Variants in TOP3A observed in about 807,000 individuals in gnomAD.
TOP3A encodes the protein DNA topoisomerase III alpha, also known as DNA topoisomerase 3-alpha.
TOP3A carries 64 observed loss-of-function variants against 111.3 expected under a neutral mutation model. That is an observed-to-expected ratio of 0.57 (90% CI 0.47 to 0.71). The LOEUF (loss-of-function observed/expected upper bound fraction) is 0.71, where lower values mean the gene tolerates loss of function less well. Among genes scored for constraint, TOP3A ranks in the 30% least tolerant of loss-of-function variants. The pLI, the probability that TOP3A is intolerant of heterozygous loss-of-function variation, is 0.00. For synonymous variants in TOP3A, 484 were observed against 485.1 expected (o/e 1.00, Z 0.03); for missense variants, 1,104 against 1,285.0 (o/e 0.86, Z 2.15).
At chr17:18,299,484 G>A (rs1981084403) in intron 9 of TOP3A, 75 bp downstream of exon 9, 2 of 1,366,310 alleles carry the variant, frequency 1.5e-6, no homozygotes, top group Admixed American at 1.7e-5. Flanking sequence ...CCAAGCCACA[G>A]TCTAGGCGGT....
At position 18,285,249 on chromosome 17, in the gene TOP3A, A is replaced by G; in HGVS notation, c.1770T>C (p.Ala590=). Residue 590 remains alanine (A), a synonymous_variant, in exon 15 of 19, where the codon GCT becomes GCC. Transcript: ENST00000321105. ...SKPDLRAELE[A]DLKLICDGKK... ...TGCCATCACAGATCAGCTTCAGATC[A>G]GCTTCCAGTTCAGCCCGGAGGTCAG... The G allele has an allele frequency of 6.2e-7, 1 of 1,614,232 alleles. No individual in the cohort carries two copies.
At position 18,311,119 on chromosome 17, in the gene TOP3A, G is replaced by A. The variant is rs573576480; in HGVS notation, c.181-2178C>T. On this transcript the variant is annotated intron_variant, in intron 1 of 18. Coordinates refer to ENST00000321105, the MANE Select transcript of TOP3A (RefSeq NM_004618.5). ...GGGTTCATGCCATTCTGCTGCCTCA[G>A]CCTCCCGAGTAGCTGGGACTACAGG... 3.3e-5 allele frequency among the ~76,000 whole-genome samples: 5 copies of A among 151,102 alleles called. No homozygotes were observed. In the South Asian group the frequency reaches 1.0e-3, roughly 31 times the overall value.
intron 13 of TOP3A, 166 bp downstream of exon 13, chr17:18,290,391 G>T (rs1419897550): frequency 1.3e-6 from 1 of 748,340 alleles, no homozygotes; most frequent in Non-Finnish European, 1.9e-6. Context: ...CACACTTTGT[G>T]AACTTAGGTA....
chr17:18,306,611 C>T (rs927502000), intron 4 of TOP3A: 9 of 293,276 alleles, frequency 3.1e-5, no homozygotes, highest in Non-Finnish European at 5.8e-5. Context: ...TCATGTGATC[C>T]TGCCTTGGCC....
intron 1 of TOP3A, among the ~76,000 whole-genome samples, chr17:18,310,236 C>A (rs1024255722): frequency 6.6e-6 from 1 of 151,736 alleles, no homozygotes; most frequent in African/African-American, 2.4e-5. Flanking sequence ...ACCAGCCTGG[C>A]CAACATAGTG....
chr17:18,305,634 C>T (rs1487338068), intron 4 of TOP3A, among the ~76,000 whole-genome samples: 1 of 151,876 alleles, frequency 6.6e-6, no homozygotes, highest in Non-Finnish European at 1.5e-5. Flanking sequence ...GTCAGGAGAT[C>T]GAGACCATCC....
In TOP3A at chr17:18,294,648, T is replaced by C. The variant is rs967988720; in HGVS notation, c.1073+55A>G. The C allele has an allele frequency of 4.4e-6, 6 of 1,359,100 alleles. No homozygotes were observed. In the African/African-American group the frequency reaches 7.2e-5, roughly 16 times the overall value. The allele number at this position is 1,359,100 out of a possible 1,614,324, so 84.2% of individuals were successfully genotyped here. On this transcript the variant is annotated intron_variant, in intron 10 of 18. Transcript: ENST00000321105. ...CAACCCATAAACTCTATTTCTCAAA[T>C]ATTTCATCCTGATAAAGACGGTTCA...
intron 9 of TOP3A, among the ~76,000 whole-genome samples, chr17:18,295,699 T>C (rs781409477): frequency 1.3e-5 from 2 of 152,112 alleles, no homozygotes; most frequent in Non-Finnish European, 2.9e-5. Flanking sequence ...CCTCAGGTGA[T>C]CTGCCTGCCT....
intron 9 of TOP3A, among the ~76,000 whole-genome samples, chr17:18,298,279 C>T (rs1333589072): frequency 1.3e-5 from 2 of 151,390 alleles, no homozygotes; most frequent in Admixed American, 6.6e-5. Flanking sequence ...GCCACCCCGT[C>T]TGGGAAGTGA....
At chr17:18,297,827 C>G (rs1164109534) in intron 9 of TOP3A, among the ~76,000 whole-genome samples, 1 of 152,170 alleles carries the variant, frequency 6.6e-6, no homozygotes, top group Non-Finnish European at 1.5e-5. Flanking sequence ...GAGATTGCAG[C>G]CTCTGCCCGG....
rs546890602 is a variant in TOP3A, at chr17:18,271,506, C to A, written c.*3296G>T. 72 of 210,024 alleles carry A rather than the reference C, an allele frequency of 3.4e-4. No homozygotes were observed. The South Asian group carries it at 3.7e-3, about 11-fold the overall frequency. The allele number at this position is 210,024 out of a possible 1,614,324, so 13.0% of individuals were successfully genotyped here. ...GAGAGCCTCAATATGAACAAGGACACCCCATTACGGATGAGGCAACTGGGG... is the reference window on the plus strand; with the variant it reads ...GAGAGCCTCAATATGAACAAGGACAACCCATTACGGATGAGGCAACTGGGG... On this transcript the variant is annotated 3_prime_UTR_variant, in exon 19 of 19. Coordinates refer to ENST00000321105, the MANE Select transcript of TOP3A (RefSeq NM_004618.5).
chr17:18,311,586 G>A (rs1567754271), intron 1 of TOP3A, among the ~76,000 whole-genome samples: 1 of 152,178 alleles, frequency 6.6e-6, no homozygotes, highest in African/African-American at 2.4e-5. Context: ...GAGCCGCTGC[G>A]CTCAGCCCAA....
Position 18,278,071 on chromosome 17 carries a change from C to T in TOP3A, c.2431G>A (p.Val811Met). 6.2e-7 allele frequency: 1 copy of T among 1,614,234 alleles called. No homozygotes were observed. Among genetic ancestry groups the T allele is most frequent in the Non-Finnish European group, 8.5e-7 (1 of 1,180,054 alleles). ...GCCTCCTGGCCACAGTTGCAGGTCA[C>T]AGAATTGCTTTCACCAGCAGCCGTG... ...PPTAAGESNS[V>M]TCNCGQEAVL... The change falls in exon 18 of 19, where the codon GTG becomes ATG. Residue 811 changes from valine (V) to methionine (M), a missense_variant. By Grantham distance (21) the Val-to-Met change is conservative. Coordinates refer to ENST00000321105, the MANE Select transcript of TOP3A (RefSeq NM_004618.5).
intron 18 of TOP3A, among the ~76,000 whole-genome samples, chr17:18,277,104 AACCTGGGAGGTG>A (rs1979420591): frequency 6.7e-6 from 1 of 150,274 alleles, no homozygotes. Flanking sequence ...GAATCATTTG[AACCTGGGAGGTG>A]GAAGTTGCAG....
chr17:18,279,328 C>T (rs1389924501), intron 17 of TOP3A, among the ~76,000 whole-genome samples: 1 of 152,044 alleles, frequency 6.6e-6, no homozygotes, highest in Non-Finnish European at 1.5e-5. Flanking sequence ...GCAATCTCGG[C>T]TCACTGAAAG....
In TOP3A at chr17:18,290,627, G is replaced by A. The variant is rs2230154; in HGVS notation, c.1527C>T (p.Asp509=). The A allele has an allele frequency of 0.29, 466,517 of 1,609,948 alleles. 70,608 individuals are homozygous for A. The highest frequency in any genetic ancestry group is 0.31 in the Non-Finnish European group (368,961 of 1,177,534). Residue 509 remains aspartate, a synonymous_variant, in exon 13 of 19, where the codon GAC becomes GAT. Transcript: ENST00000321105. The stretch of plus-strand genomic sequence containing the variant: ...GCAGCTTGGGTGGGCTGGTCTCCCC[G>A]TCCACCATCTCCACGGTGCTGGGCT... ...HFQPSTVEMV[D]GETSPPKLLT... is the part of the protein sequence containing the mutation.
chr17:18,299,563 G>A lies in TOP3A; in HGVS notation c.986C>T (p.Thr329Ile). The stretch of plus-strand genomic sequence containing the variant: ...AACAGCCTGTCTGGAACATACCACA[G>A]TGTCCAAGGCTTGAGGCCGCCACTT... ...KSKWRPQALD[T>I]VELEKLASRK... Residue 329 changes from threonine (T) to isoleucine (I), a missense_variant, in exon 9 of 19, where the codon ACT (threonine) becomes ATT (isoleucine). By Grantham distance (89) the Thr-to-Ile change is moderately conservative. Transcript: ENST00000321105. 2.5e-6 allele frequency: 4 copies of A among 1,614,010 alleles called. No homozygotes were observed. Among genetic ancestry groups the A allele is most frequent in the Non-Finnish European group, 3.4e-6 (4 of 1,179,878 alleles).
chr17:18,274,955 T>C lies in TOP3A; in HGVS notation c.2853A>G (p.Thr951=), dbSNP rs1262630735. 2.2e-5 allele frequency: 36 copies of C among 1,613,988 alleles called. No homozygotes were observed. Among genetic ancestry groups the C allele is most frequent in the Non-Finnish European group, 3.0e-5 (35 of 1,179,972 alleles). ...APGTSGAPSW[T]GDRGRTLESE... is the part of the protein sequence containing the mutation. ...ACTCCAGGGTTCTTCCTCTGTCTCC[T>C]GTCCAGGACGGGGCTCCAGAAGTCC... The change falls in exon 19 of 19, where the codon ACA becomes ACG. Residue 951 remains threonine, a synonymous_variant. Transcript: ENST00000321105.
chr17:18,305,624 G>T lies in TOP3A; in HGVS notation c.391-404C>A, dbSNP rs1308504808. ...GAGGCCGAGGTGGGTGGATCACGAGGTCAGGAGATCGAGACCATCCTGGTT... is the reference window on the plus strand; with the variant it reads ...GAGGCCGAGGTGGGTGGATCACGAGTTCAGGAGATCGAGACCATCCTGGTT... On this transcript the variant is annotated intron_variant, in intron 4 of 18. Transcript: ENST00000321105. Among the ~76,000 whole-genome samples the T allele has an allele frequency of 2.0e-5, 3 of 151,964 alleles. No homozygotes were observed. In the East Asian group the frequency reaches 5.8e-4, roughly 30 times the overall value.
Sources: gnomAD v4.1 joint callset for allele counts (sites outside exome capture counted in the v4.1 genomes callset) on GRCh38, gnomAD v4.1.1 for gene constraint, MANE v1.5 for transcripts, NCBI Gene and HGNC (gene_info 2026-07-23, HGNC 2026-07-21) for gene names.